The following CCAR2 variants were observed in gnomAD, a reference collection of about 807,000 sequenced individuals.
CCAR2 encodes the protein cell cycle and apoptosis regulator protein 2.
CCAR2 carries 21 observed loss-of-function variants against 108.1 expected under a neutral mutation model. The observed-to-expected ratio is 0.19, with a 90% CI of 0.14 to 0.28. CCAR2 has a LOEUF of 0.28. Among genes scored for constraint, CCAR2 ranks in the 10% least tolerant of loss-of-function variants. CCAR2 has a pLI of 1.00. For synonymous variants in CCAR2, 577 were observed against 472.8 expected (o/e 1.22, Z -2.86); for missense variants, 1,126 against 1,177.0 (o/e 0.96, Z 0.63).
In CCAR2 at chr8:22,619,798, C is replaced by T. The variant is rs941539420; in HGVS notation, c.*116C>T. On this transcript the variant is annotated 3_prime_UTR_variant, in exon 21 of 21. Coordinates refer to ENST00000308511, the MANE Select transcript of CCAR2 (RefSeq NM_001393997.1). Reference sequence around the variant, plus strand: ...GACCTGGGAGCCAGGGCAGGGGTGGCTGACCCCATGCTCAGCCTCTAGGGG... The same window carrying T: ...GACCTGGGAGCCAGGGCAGGGGTGGTTGACCCCATGCTCAGCCTCTAGGGG... The T allele has an allele frequency of 3.5e-6, 4 of 1,142,224 alleles. No individual in the cohort carries two copies. Among genetic ancestry groups the T allele is most frequent in the Non-Finnish European group, 5.1e-6 (4 of 790,004 alleles). The allele number at this position is 1,142,224 out of a possible 1,614,324, so 70.8% of individuals were successfully genotyped here.
Position 22,619,812 on chromosome 8 carries a change from A to G in CCAR2, c.*130A>G. The G allele has an allele frequency of 2.1e-6, 2 of 962,222 alleles. No homozygotes were observed. The highest frequency in any genetic ancestry group is 4.1e-5 in the Admixed American group (2 of 48,782). 59.6% of individuals were successfully genotyped at this position (962,222 alleles called of 1,614,324 possible). A position where few individuals can be genotyped will look rare whatever the true frequency, so the allele number is the denominator to read the frequency against. ...GGCAGGGGTGGCTGACCCCATGCTC[A>G]GCCTCTAGGGGACGGCAGGCCATCA... is the stretch of plus-strand genomic sequence containing the variant. On this transcript the variant is annotated 3_prime_UTR_variant, in exon 21 of 21. Transcript: ENST00000308511.
rs36086286 is a variant in CCAR2, at chr8:22,616,866, C to CTTTTTTTT, written c.1846-531_1846-524dup. Among the ~76,000 whole-genome samples the CTTTTTTTT allele has an allele frequency of 7.3e-5, 4 of 54,732 alleles. 1 individual carries two copies. The highest frequency in any genetic ancestry group is 1.1e-4 in the Non-Finnish European group (3 of 27,656). 35.9% of individuals were successfully genotyped at this position (54,732 alleles called of 152,430 possible). ...AAACCTTTTCTAAAATACTAGTCTG[C>CTTTTTTTT]TTTTTTTTTTTTTTTTTTTTTTTTT... On this transcript the variant is annotated intron_variant, in intron 14 of 20. Transcript: ENST00000308511.
At chr8:22,616,349 C>G in intron 14 of CCAR2, 101 bp downstream of exon 14, 3 of 1,078,822 alleles carry the variant, frequency 2.8e-6, no homozygotes, top group Non-Finnish European at 4.1e-6. Context: ...AGCTCATTCC[C>G]TGCACCCTTG....
chr8:22,610,677 A>T (rs1013515504), intron 7 of CCAR2, among the ~76,000 whole-genome samples: 2 of 152,264 alleles, frequency 1.3e-5, no homozygotes, highest in Non-Finnish European at 2.9e-5. Flanking sequence ...GGAAGTGACC[A>T]AGGCCAACAG....
chr8:22,619,658 G>A lies in CCAR2; in HGVS notation c.2748G>A (p.Lys916=). The A allele has an allele frequency of 1.9e-6, 3 of 1,575,698 alleles. No individual in the cohort carries two copies. The highest frequency in any genetic ancestry group is 2.6e-6 in the Non-Finnish European group (3 of 1,160,164). Residue 916 remains lysine, a synonymous_variant, in exon 21 of 21, where the codon AAG becomes AAA. Coordinates refer to ENST00000308511, the MANE Select transcript of CCAR2 (RefSeq NM_001393997.1). The part of the protein sequence containing the change: ...VVEKADSWVE[K]EEPAPSN ...AACAGGCTGACAGCTGGGTGGAGAA[G>A]GAGGAGCCGGCACCTAGCAACTGAC... is the stretch of plus-strand genomic sequence containing the variant.
chr8:22,614,249 G>A lies in CCAR2; in HGVS notation c.862G>A (p.Glu288Lys), dbSNP rs953505955. ...CCGGATCCAGGTCTCTTCTGAAAAG[G>A]AGGCAGCTCCAGACGCTGGTGCTGA... Reference protein sequence around the residue: ...PSRIQVSSEKEAAPDAGAEPI... With the variant: ...PSRIQVSSEKKAAPDAGAEPI... The change falls in exon 9 of 21, where the codon GAG (glutamate) becomes AAG (lysine). Residue 288 changes from glutamate (E) to lysine (K), a missense_variant. Transcript: ENST00000308511. 2 of 1,613,950 alleles carry A rather than the reference G, an allele frequency of 1.2e-6. No homozygotes were observed. Among genetic ancestry groups the A allele is most frequent in the Non-Finnish European group, 1.7e-6 (2 of 1,180,054 alleles).
Position 22,615,280 on chromosome 8 carries a change from G to C in CCAR2, c.1206-145G>C, listed in dbSNP as rs1801455393. 8.3e-6 allele frequency: 9 copies of C among 1,080,246 alleles called. No homozygotes were observed. In the South Asian group the frequency reaches 1.2e-4, roughly 15 times the overall value. 66.9% of individuals were successfully genotyped at this position (1,080,246 alleles called of 1,614,324 possible). On this transcript the variant is annotated intron_variant, in intron 11 of 20. Transcript: ENST00000308511. ...TGATCATTTCTTGAGGACTTGGTCT[G>C]TAGCTTTCCTGTTGTGTCTTCAAAG...
At chr8:22,621,405 C>CCAAGA, downstream of CCAR2, 1 of 1,609,202 alleles carries the variant, frequency 6.2e-7, no homozygotes, top group East Asian at 2.2e-5. Context: ...CAGGAGTCCT[C>CCAAGA]CAAGAGTGAC....
chr8:22,614,172 G>A lies in CCAR2; in HGVS notation c.785G>A (p.Ser262Asn), dbSNP rs1461718854. 6.2e-7 allele frequency: 1 copy of A among 1,614,086 alleles called. No homozygotes were observed. Among genetic ancestry groups the A allele is most frequent in the Non-Finnish European group, 8.5e-7 (1 of 1,180,046 alleles). Residue 262 changes from serine to asparagine, a missense_variant, in exon 9 of 21, where the codon AGT (serine) becomes AAT (asparagine). Ser to Asn is a conservative substitution (Grantham distance 46). This residue lies in a region of CCAR2 where 1,013 missense variants were observed against 993.9 expected (regional missense o/e 1.02). Transcript: ENST00000308511. ...VPSDFLSVHLSWLSAFPLSQP... is the reference protein window; with the variant it reads ...VPSDFLSVHLNWLSAFPLSQP... ...TCAGATTTTCTGTCCGTGCATCTGA[G>A]TTGGCTATCAGCCTTCCCCCTGAGC...
Position 22,618,653 on chromosome 8 carries a change from A to G in CCAR2, c.2257A>G (p.Ile753Val), listed in dbSNP as rs750509852. 6 of 1,614,120 alleles carry G rather than the reference A, an allele frequency of 3.7e-6. No individual in the cohort carries two copies. Among genetic ancestry groups the G allele is most frequent in the Admixed American group, 1.7e-5 (1 of 60,030 alleles). The change falls in exon 18 of 21, where the codon ATC becomes GTC. Residue 753 changes from isoleucine (I) to valine (V), a missense_variant. By Grantham distance (29) the Ile-to-Val change is conservative. This residue lies in a region of CCAR2 where 1,013 missense variants were observed against 993.9 expected (regional missense o/e 1.02). Transcript: ENST00000308511. ...GGTCAGCAGGGTGGTGACCCAGAAC[A>G]TCTGCCAGTACCGGAGCCTTCAGTA... ...QLVSRVVTQN[I>V]CQYRSLQYSR...
At chr8:22,606,581 T>G in intron 3 of CCAR2, 26 bp from the exon 4 acceptor site, 1 of 1,594,512 alleles carries the variant, frequency 6.3e-7, no homozygotes, top group East Asian at 2.2e-5. Context: ...TCCCTTTTAC[T>G]TTTCAGCTGT....
In CCAR2 at chr8:22,619,721, T is replaced by C. The variant is rs1017396781; in HGVS notation, c.*39T>C. On this transcript the variant is annotated 3_prime_UTR_variant, in exon 21 of 21. Transcript: ENST00000308511. ...AACTGCCATCCTGTGAGGGCAGCGG[T>C]GGCGCCCGGCAAAGTTGGAGCCCTT... 24 of 1,550,716 alleles carry C rather than the reference T, an allele frequency of 1.5e-5. No individual in the cohort carries two copies. Among genetic ancestry groups the C allele is most frequent in the Non-Finnish European group, 2.0e-5 (23 of 1,147,264 alleles).
chr8:22,605,705 A>G, intron 1 of CCAR2, 31 bp from the exon 2 acceptor site: 3 of 1,325,572 alleles, frequency 2.3e-6, no homozygotes, highest in South Asian at 1.2e-5. Flanking sequence ...TTCCCTTATA[A>G]GCTGTTAATT....
chr8:22,616,828 A>G (rs1037392204), intron 14 of CCAR2, among the ~76,000 whole-genome samples: 16 of 151,034 alleles, frequency 1.1e-4, no homozygotes, highest in African/African-American at 3.4e-4. Flanking sequence ...AAAAAAGAAA[A>G]AAAAAGATTT....
chr8:22,621,141 G>A (rs912290032), downstream of CCAR2: 2 of 392,056 alleles, frequency 5.1e-6, no homozygotes, highest in African/African-American at 2.1e-5. Flanking sequence ...GCTGCAGCTT[G>A]CTCAGGCCGT....
chr8:22,614,502 A>T lies in CCAR2; in HGVS notation c.1040A>T (p.Lys347Met). 6.2e-7 allele frequency: 1 copy of T among 1,613,386 alleles called. No homozygotes were observed. The highest frequency in any genetic ancestry group is 8.5e-7 in the Non-Finnish European group (1 of 1,179,490). ...CCAGAGCATCCTCTGAAGCAGATTAAGGTAAGAGCTGGAGAGCAGGAGGAG... is the reference window on the plus strand; with the variant it reads ...CCAGAGCATCCTCTGAAGCAGATTATGGTAAGAGCTGGAGAGCAGGAGGAG... Reference protein sequence around the residue: ...ETPEHPLKQIKFLLGRKEEEA... With the variant: ...ETPEHPLKQIMFLLGRKEEEA... Residue 347 changes from lysine (K) to methionine (M), a missense_variant and splice_region_variant, in exon 10 of 21, where the codon AAG becomes ATG. Physicochemically the swap from Lys to Met is moderately conservative, Grantham distance 95 (BLOSUM62 -1). Around this residue, in one of 4 missense-constraint regions of CCAR2, gnomAD observed 1,013 missense variants for 993.9 expected, o/e 1.02. Transcript: ENST00000308511.
At chr8:22,617,294 C>T (rs963299265) in intron 14 of CCAR2, 126 bp from the exon 15 acceptor site, 39 of 1,043,362 alleles carry the variant, frequency 3.7e-5, no homozygotes, top group Admixed American at 1.7e-4. Context: ...TGAAATGAGA[C>T]GGTATCTGTA....
chr8:22,615,998 C>T lies in CCAR2; in HGVS notation c.1609-14C>T. ...TCTTCCTGATGCTCATGGACCCTCC[C>T]ACCTCCCCATCAGGTGATGGTGCTG... On this transcript the variant is annotated splice_polypyrimidine_tract_variant and intron_variant, in intron 13 of 20. Transcript: ENST00000308511. 10 of 1,613,618 alleles carry T rather than the reference C, an allele frequency of 6.2e-6. No individual in the cohort carries two copies. Among genetic ancestry groups the T allele is most frequent in the East Asian group, 2.2e-5 (1 of 44,860 alleles).
At chr8:22,611,819 T>C (rs943951543) in intron 7 of CCAR2, among the ~76,000 whole-genome samples, 7 of 152,232 alleles carry the variant, frequency 4.6e-5, no homozygotes, top group African/African-American at 1.4e-4. Flanking sequence ...CCACTATGTG[T>C]AGTCTTTCTT....
Sources: gnomAD v4.1 joint callset for allele counts (sites outside exome capture counted in the v4.1 genomes callset) on GRCh38, gnomAD v4.1.1 for gene constraint, gnomAD v4.1.1 regional missense constraint, MANE v1.5 for transcripts, NCBI Gene and HGNC (gene_info 2026-07-23, HGNC 2026-07-21) for gene names.